Variants in TRIM44 observed in about 807,000 individuals in gnomAD.
TRIM44 encodes tripartite motif-containing protein 44.
In TRIM44, 13 loss-of-function variants were observed where a neutral mutation model predicts 37.4. The observed-to-expected ratio is 0.35, with a 90% CI of 0.23 to 0.55. The LOEUF is 0.55. Ranked by LOEUF, TRIM44 falls within the 20% of genes least tolerant of loss-of-function variation. The pLI, the probability that TRIM44 is intolerant of heterozygous loss-of-function variation, is 0.89. For missense variants in TRIM44, 426 were observed against 437.2 expected (o/e 0.97, Z 0.23); for synonymous variants, 175 against 157.2 (o/e 1.11, Z -0.85).
chr11:35,773,697 T>G lies in TRIM44; in HGVS notation c.1008-32661T>G, dbSNP rs141077521. Among the ~76,000 whole-genome samples, 235 of 152,246 alleles carry G rather than the reference T, an allele frequency of 1.5e-3. 7 individuals are homozygous for G. The East Asian group carries it at 0.042, about 27-fold the overall frequency. On this transcript the variant is annotated intron_variant, in intron 4 of 4. Coordinates refer to ENST00000299413, the MANE Select transcript of TRIM44 (RefSeq NM_017583.6). ...CCAAGCATTCTCATTGTTCAGTTCC[T>G]ACCTATGAGTGAGAACGTGCGGTGT...
At chr11:35,730,851 CTTTTTTTT>C (rs376635824) in intron 3 of TRIM44, among the ~76,000 whole-genome samples, 1 of 128,124 alleles carries the variant, frequency 7.8e-6, no homozygotes, top group Non-Finnish European at 1.7e-5. Flanking sequence ...AGCCTTATAT[CTTTTTTTT>C]TTTTTTTTTT....
At chr11:35,772,265 G>A (rs1852883477) in intron 4 of TRIM44, among the ~76,000 whole-genome samples, 1 of 152,230 alleles carries the variant, frequency 6.6e-6, no homozygotes, top group African/African-American at 2.4e-5. Context: ...GGTACTCATG[G>A]AGAACCTCTG....
At chr11:35,710,636 C>G (rs1326388496) in intron 2 of TRIM44, among the ~76,000 whole-genome samples, 1 of 152,150 alleles carries the variant, frequency 6.6e-6, no homozygotes, top group Non-Finnish European at 1.5e-5. Context: ...TAAGTTGGTG[C>G]CTTCTCCATT....
At chr11:35,744,671 G>A (rs1380305570) in intron 4 of TRIM44, among the ~76,000 whole-genome samples, 1 of 152,052 alleles carries the variant, frequency 6.6e-6, no homozygotes, top group East Asian at 1.9e-4. Context: ...CATCGCTTAG[G>A]TATTAAGCCC....
intron 4 of TRIM44, among the ~76,000 whole-genome samples, chr11:35,757,930 A>G (rs144269457): frequency 8.1e-4 from 124 of 152,304 alleles, no homozygotes; most frequent in African/African-American, 2.7e-3. Context: ...TATGCGGTCA[A>G]TTTTGGAATA....
At chr11:35,751,172 G>A (rs1564997999) in intron 4 of TRIM44, among the ~76,000 whole-genome samples, 1 of 152,116 alleles carries the variant, frequency 6.6e-6, no homozygotes, top group Non-Finnish European at 1.5e-5. Context: ...TAAATATAAA[G>A]CAATGCAGAA....
chr11:35,707,581 C>A (rs1240888086), intron 2 of TRIM44, among the ~76,000 whole-genome samples: 2 of 148,650 alleles, frequency 1.3e-5, no homozygotes, highest in Admixed American at 6.7e-5. Flanking sequence ...ATCATTGGAA[C>A]AGAAAAGAGC....
intron 4 of TRIM44, among the ~76,000 whole-genome samples, chr11:35,761,086 T>C (rs1221972259): frequency 6.6e-6 from 1 of 152,256 alleles, no homozygotes; most frequent in Non-Finnish European, 1.5e-5. Flanking sequence ...TAATATAATG[T>C]CCTTCAGGTT....
Position 35,662,892 on chromosome 11 carries a change from G to C in TRIM44, c.-220G>C. 3 of 664,614 alleles carry C rather than the reference G, an allele frequency of 4.5e-6. No individual in the cohort carries two copies. The highest frequency in any genetic ancestry group is 6.3e-6 in the Non-Finnish European group (3 of 473,626). The allele number at this position is 664,614 out of a possible 1,614,324, so 41.2% of individuals were successfully genotyped here. On this transcript the variant is annotated 5_prime_UTR_variant, in exon 1 of 5. Transcript: ENST00000299413. ...TGCCTTGCGCGGCAGAGGAAGCGCA[G>C]GGACAGAGCGGAGCAGGCCGAGCCG...
At position 35,663,440 on chromosome 11, in the gene TRIM44, A is replaced by G; in HGVS notation, c.329A>G (p.Glu110Gly). Residue 110 changes from glutamate (E) to glycine (G), a missense_variant, in exon 1 of 5, where the codon GAG becomes GGG. Glu to Gly is a moderately conservative substitution (Grantham distance 98). Transcript: ENST00000299413. ...GAGGAAGAGAGCGAGTCAGAGGAAG[A>G]GAGCGAGACAGAGGAAGAGAGTGAG... is the stretch of plus-strand genomic sequence containing the variant. ...ESEEESESEE[E>G]SETEEESEDE... 1 of 1,566,392 alleles carries G rather than the reference A, an allele frequency of 6.4e-7. No homozygotes were observed. Among genetic ancestry groups the G allele is most frequent in the Non-Finnish European group, 8.7e-7 (1 of 1,155,002 alleles).
At chr11:35,714,927 A>G (rs1270781886) in intron 2 of TRIM44, among the ~76,000 whole-genome samples, 2 of 152,138 alleles carry the variant, frequency 1.3e-5, no homozygotes, top group African/African-American at 2.4e-5. Flanking sequence ...GTCTCTGGGG[A>G]CACATTCTTC....
intron 2 of TRIM44, among the ~76,000 whole-genome samples, chr11:35,718,779 C>T (rs1852067217): frequency 6.6e-6 from 1 of 152,120 alleles, no homozygotes; most frequent in South Asian, 2.1e-4. Context: ...ATAGTTTTGC[C>T]TTTCCTATAA....
At chr11:35,779,663 A>G (rs1280891646) in intron 4 of TRIM44, among the ~76,000 whole-genome samples, 8 of 152,034 alleles carry the variant, frequency 5.3e-5, no homozygotes, top group African/African-American at 2.4e-5. Flanking sequence ...GGGCTTAGTC[A>G]TTAATTCTTT....
intron 4 of TRIM44, among the ~76,000 whole-genome samples, chr11:35,737,178 G>T (rs1302433968): frequency 6.6e-6 from 1 of 152,150 alleles, no homozygotes; most frequent in African/African-American, 2.4e-5. Flanking sequence ...AACAAATTGT[G>T]TGCCAGTTCC....
At chr11:35,725,261 AACTAT>A (rs1164580260) in intron 2 of TRIM44, among the ~76,000 whole-genome samples, 1 of 152,202 alleles carries the variant, frequency 6.6e-6, no homozygotes, top group Non-Finnish European at 1.5e-5. Context: ...ATATGTACAT[AACTAT>A]ATAGAAAAAT....
At chr11:35,733,845 CTCAAGGTCCCTTGAACAACACATTTT>C in intron 3 of TRIM44, among the ~76,000 whole-genome samples, 1 of 152,206 alleles carries the variant, frequency 6.6e-6, no homozygotes, top group Admixed American at 6.5e-5. Flanking sequence ...TTTCACAGAA[CTCAAGGTCCCTTGAACAACACATTTT>C]TAGAAATTTG....
At chr11:35,699,999 A>G (rs1304118975) in intron 2 of TRIM44, among the ~76,000 whole-genome samples, 2 of 152,192 alleles carry the variant, frequency 1.3e-5, no homozygotes, top group Non-Finnish European at 2.9e-5. Context: ...AGGAAGAATC[A>G]ATATCGTGAA....
At chr11:35,719,565 C>G (rs746381897) in intron 2 of TRIM44, among the ~76,000 whole-genome samples, 6 of 152,070 alleles carry the variant, frequency 3.9e-5, no homozygotes, top group Non-Finnish European at 7.4e-5. Context: ...TCCAGCTTAT[C>G]AATTGTTTTG....
At position 35,817,866 on chromosome 11, in the gene TRIM44, C is replaced by T. The variant is rs1853597050; in HGVS notation, c.*11481C>T. The T allele has an allele frequency of 6.6e-6, 1 of 152,098 alleles. No homozygotes were observed. Among genetic ancestry groups the T allele is most frequent in the Non-Finnish European group, 1.5e-5 (1 of 68,042 alleles). 9.4% of individuals were successfully genotyped at this position (152,098 alleles called of 1,614,324 possible). On this transcript the variant is annotated 3_prime_UTR_variant, in exon 5 of 5. Coordinates refer to ENST00000299413, the MANE Select transcript of TRIM44 (RefSeq NM_017583.6). ...CCCCCCACCTTCCTTCTGCTCTGGC[C>T]ATGTAAAGTGCTCACTCCCCCTTTG...
Sources: allele counts gnomAD v4.1 joint callset (sites outside exome capture counted in the v4.1 genomes callset), GRCh38; gene constraint gnomAD v4.1.1; transcripts MANE v1.5; gene names NCBI Gene and HGNC (gene_info 2026-07-23, HGNC 2026-07-21).